The following LAMA1 variants were observed in gnomAD, a reference collection of about 807,000 sequenced individuals.
LAMA1 encodes the protein laminin subunit alpha 1, also known as laminin subunit alpha-1.
A neutral mutation model predicts 348.7 loss-of-function variants in LAMA1; 219 were observed. The ratio of observed to expected loss-of-function variants is 0.63; its 90% CI spans 0.56 to 0.70. The LOEUF (loss-of-function observed/expected upper bound fraction) is 0.70. Among genes scored for constraint, LAMA1 ranks in the 30% least tolerant of loss-of-function variants. The probability of loss-of-function intolerance (pLI) is 0.00; values close to 1 mark genes in which losing one functional copy is unlikely to be tolerated. For synonymous variants in LAMA1, 1,487 were observed against 1,491.0 expected, an observed-to-expected ratio of 1.00 and a Z score of 0.06; for missense variants, 3,744 against 3,888.0, an observed-to-expected ratio of 0.96 and a Z score of 0.99.
intron 1 of LAMA1, among the ~76,000 whole-genome samples, chr18:7,116,385 A>G (rs1447449567): frequency 6.6e-6 from 1 of 152,202 alleles, no homozygotes; most frequent in Non-Finnish European, 1.5e-5. Flanking sequence ...CTTCTGGCTG[A>G]TAACTATGTA....
chr18:6,953,093 CA>C (rs1600343946), intron 57 of LAMA1, among the ~76,000 whole-genome samples: 1 of 149,106 alleles, frequency 6.7e-6, no homozygotes, highest in Non-Finnish European at 1.5e-5. Flanking sequence ...TGCCTGTGTC[CA>C]GTGGATCCAC....
chr18:7,086,080 T>A (rs963562755), intron 1 of LAMA1, among the ~76,000 whole-genome samples: 1 of 152,206 alleles, frequency 6.6e-6, no homozygotes, highest in Non-Finnish European at 1.5e-5. Flanking sequence ...TGAGAATGAA[T>A]GTTTGATTAA....
chr18:7,105,438 CAAAAAATA>C lies in LAMA1; in HGVS notation c.61+12214_61+12221del, dbSNP rs1237770134. ...TCGGCGACAGAGTGAGACTTCATCT[CAAAAAATA>C]AATAAATAAATAAATAAATAAATAA... On this transcript the variant is annotated intron_variant, in intron 1 of 62. Transcript: ENST00000389658. Among the ~76,000 whole-genome samples the C allele has an allele frequency of 6.4e-5, 9 of 141,502 alleles. No homozygotes were observed. The East Asian group carries it at 1.5e-3, about 23-fold the overall frequency. 92.8% of individuals were successfully genotyped at this position (141,502 alleles called of 152,430 possible). A position where few individuals can be genotyped will look rare whatever the true frequency, so the allele number is the denominator to read the frequency against.
At chr18:6,990,547 C>T (rs1267758204) in intron 36 of LAMA1, among the ~76,000 whole-genome samples, 1 of 152,178 alleles carries the variant, frequency 6.6e-6, no homozygotes, top group Non-Finnish European at 1.5e-5. Context: ...AAGAGCACAG[C>T]TGAAGCCTCA....
intron 3 of LAMA1, among the ~76,000 whole-genome samples, chr18:7,070,904 C>CAAAAAAAAAAAAA (rs11455370): frequency 7.8e-6 from 1 of 127,432 alleles, no homozygotes. Context: ...GCTTCTTGAT[C>CAAAAAAAAAAAAA]AAAAAAAAAA....
At chr18:7,051,387 T>A (rs958409142) in intron 3 of LAMA1, among the ~76,000 whole-genome samples, 1 of 152,190 alleles carries the variant, frequency 6.6e-6, no homozygotes, top group African/African-American at 2.4e-5. Flanking sequence ...GTAGCAACTG[T>A]TCAAAAACAA....
chr18:6,964,792 C>T lies in LAMA1; in HGVS notation c.7207G>A (p.Val2403Ile). The part of the protein sequence containing the change: ...QRNRKQGVLA[V>I]IDAYNTSNKE... ...TTACTGGTGTTATAGGCATCGATAA[C>T]TGCTAGCACTCCTAAAAGGAGAGCA... The change falls in exon 51 of 63, where the codon GTT (valine) becomes ATT (isoleucine). Residue 2403 changes from valine to isoleucine, a missense_variant. Around this residue, in one of 3 missense-constraint regions of LAMA1, gnomAD observed 1,983 missense variants for 1,934.3 expected, o/e 1.03. Coordinates refer to ENST00000389658, the MANE Select transcript of LAMA1 (RefSeq NM_005559.4). The T allele has an allele frequency of 6.2e-7, 1 of 1,614,112 alleles. No individual in the cohort carries two copies. Among genetic ancestry groups the T allele is most frequent in the Non-Finnish European group, 8.5e-7 (1 of 1,180,022 alleles).
At chr18:6,970,640 T>C (rs906240779) in intron 48 of LAMA1, among the ~76,000 whole-genome samples, 3 of 152,012 alleles carry the variant, frequency 2.0e-5, no homozygotes, top group Admixed American at 6.6e-5. Flanking sequence ...TTTTTTTTTT[T>C]TGAGATGGAG....
chr18:7,055,847 C>G (rs1025172227), intron 3 of LAMA1, among the ~76,000 whole-genome samples: 1 of 151,534 alleles, frequency 6.6e-6, no homozygotes. Context: ...TTTGGGAGGC[C>G]GAGGCGGGCG....
chr18:7,028,997 C>T (rs1568037743), intron 16 of LAMA1, among the ~76,000 whole-genome samples: 1 of 152,200 alleles, frequency 6.6e-6, no homozygotes. Context: ...TTAGTATTTT[C>T]AGTTTCTAAA....
chr18:6,976,599 T>C (rs1164489133), intron 44 of LAMA1, among the ~76,000 whole-genome samples: 2 of 126,140 alleles, frequency 1.6e-5, no homozygotes, highest in South Asian at 4.3e-4. Context: ...TATTTATTTA[T>C]TTATTTATTT....
At chr18:7,014,748 A>G (rs2057878415) in intron 22 of LAMA1, among the ~76,000 whole-genome samples, 1 of 152,246 alleles carries the variant, frequency 6.6e-6, no homozygotes, top group African/African-American at 2.4e-5. Flanking sequence ...TGGTTTGGAC[A>G]TAAACCCCCA....
intron 10 of LAMA1, among the ~76,000 whole-genome samples, chr18:7,039,815 G>C (rs773545509): frequency 1.7e-4 from 26 of 152,100 alleles, no homozygotes; most frequent in Non-Finnish European, 3.7e-4. Context: ...TGCAGTGTTT[G>C]GTGTCCTCTA....
At chr18:6,958,414 G>T in intron 55 of LAMA1, 63 bp downstream of exon 55, 1 of 1,530,978 alleles carries the variant, frequency 6.5e-7, no homozygotes, top group Non-Finnish European at 9.1e-7. Context: ...TTTCAGATTA[G>T]TGTTAGCACT....
At chr18:7,090,861 T>C (rs2058237213) in intron 1 of LAMA1, among the ~76,000 whole-genome samples, 1 of 152,132 alleles carries the variant, frequency 6.6e-6, no homozygotes, top group Non-Finnish European at 1.5e-5. Context: ...AGAAGTTTAA[T>C]CAGAAAACAA....
chr18:7,024,914 C>A (rs2057935561), intron 17 of LAMA1, among the ~76,000 whole-genome samples: 1 of 152,200 alleles, frequency 6.6e-6, no homozygotes, highest in Non-Finnish European at 1.5e-5. Context: ...CACTCAAACA[C>A]AAAGTGGTCA....
intron 19 of LAMA1, among the ~76,000 whole-genome samples, chr18:7,021,215 T>C (rs1275939016): frequency 6.6e-6 from 1 of 152,168 alleles, no homozygotes; most frequent in Admixed American, 6.5e-5. Context: ...CCTGGGCTGA[T>C]GGGCCTGCCC....
chr18:6,958,918 C>CT lies in LAMA1; in HGVS notation c.7779-257dup, dbSNP rs767578729. The stretch of plus-strand genomic sequence containing the variant: ...TGCTTTTTGGAGAGATTTTCTTTTT[C>CT]TTTTTTTTTTAACCTCTTTACCTAT... On this transcript the variant is annotated intron_variant, in intron 54 of 62. Transcript: ENST00000389658. Among the ~76,000 whole-genome samples the CT allele has an allele frequency of 7.8e-3, 1,148 of 147,406 alleles. 16 individuals carry two copies. Among genetic ancestry groups the CT allele is most frequent in the African/African-American group, 0.026 (1,038 of 40,304 alleles).
intron 28 of LAMA1, among the ~76,000 whole-genome samples, chr18:7,008,019 A>C (rs1437144634): frequency 6.6e-6 from 1 of 151,692 alleles, no homozygotes; most frequent in African/African-American, 2.4e-5. Flanking sequence ...TGCAGCCTTC[A>C]CCTCCCAGGT....
Sources: allele counts gnomAD v4.1 joint callset (sites outside exome capture counted in the v4.1 genomes callset), GRCh38; gene constraint gnomAD v4.1.1; regional missense constraint gnomAD v4.1.1; transcripts MANE v1.5; gene names NCBI Gene and HGNC (gene_info 2026-07-23, HGNC 2026-07-21).